KANSL1L: variants seen among roughly 807,000 people sequenced by gnomAD.
KANSL1L encodes KAT8 regulatory NSL complex subunit 1-like protein.
KANSL1L carries 25 observed loss-of-function variants against 108.6 expected under a neutral mutation model. That is an observed-to-expected ratio of 0.23 (90% CI 0.17 to 0.32). The LOEUF is 0.32. Ranked by LOEUF, KANSL1L falls within the 10% of genes least tolerant of loss-of-function variation. The pLI, the probability that KANSL1L is intolerant of heterozygous loss-of-function variation, is 1.00. For missense variants in KANSL1L, 1,137 were observed against 1,125.7 expected, an observed-to-expected ratio of 1.01 and a Z score of -0.14; for synonymous variants, 405 against 395.1, an observed-to-expected ratio of 1.03 and a Z score of -0.30.
At chr2:210,131,763 G>A (rs1278515127) in intron 2 of KANSL1L, among the ~76,000 whole-genome samples, 2 of 149,918 alleles carry the variant, frequency 1.3e-5, no homozygotes, top group Non-Finnish European at 1.5e-5. Flanking sequence ...GCAGCGGTGC[G>A]ATCTCTCCTC....
intron 5 of KANSL1L, among the ~76,000 whole-genome samples, chr2:210,079,654 A>G (rs1360298661): frequency 1.0e-3 from 19 of 18,370 alleles, no homozygotes; most frequent in East Asian, 0.011. Context: ...ATATATATAT[A>G]TATATATATA....
At chr2:210,077,614 A>C (rs964499742) in intron 5 of KANSL1L, among the ~76,000 whole-genome samples, 33 of 152,274 alleles carry the variant, frequency 2.2e-4, no homozygotes, top group African/African-American at 7.9e-4. Flanking sequence ...CCAGCACCAA[A>C]AGAGGTTCTT....
chr2:210,079,367 G>A (rs1046187160), intron 5 of KANSL1L, among the ~76,000 whole-genome samples: 5 of 151,458 alleles, frequency 3.3e-5, no homozygotes, highest in South Asian at 4.2e-4. Flanking sequence ...AGGCCAAGGC[G>A]GGAGGATCAC....
chr2:210,040,567 TC>T, intron 7 of KANSL1L, 40 bp from the exon 8 acceptor site: 2 of 862,660 alleles, frequency 2.3e-6, no homozygotes, highest in Non-Finnish European at 3.6e-6. Flanking sequence ...CAAATACCAC[TC>T]TTTGTAATAC....
intron 1 of KANSL1L, among the ~76,000 whole-genome samples, chr2:210,167,778 T>C (rs1189301091): frequency 6.6e-6 from 1 of 152,042 alleles, no homozygotes; most frequent in Admixed American, 6.5e-5. Flanking sequence ...CAGAAATGTT[T>C]CTAAGAACCT....
chr2:210,099,282 T>C (rs1307533920), intron 4 of KANSL1L, among the ~76,000 whole-genome samples: 2 of 152,136 alleles, frequency 1.3e-5, no homozygotes, highest in Admixed American at 1.3e-4. Flanking sequence ...ACAGACGTAG[T>C]TCAACATTTT....
intron 2 of KANSL1L, among the ~76,000 whole-genome samples, chr2:210,146,648 A>G (rs765864120): frequency 5.3e-5 from 8 of 152,204 alleles, no homozygotes; most frequent in Non-Finnish European, 1.5e-5. Flanking sequence ...TTTCTAAGCA[A>G]TATGGTCCAA....
chr2:210,127,241 A>G (rs1226778959), intron 3 of KANSL1L, among the ~76,000 whole-genome samples: 1 of 152,166 alleles, frequency 6.6e-6, no homozygotes, highest in African/African-American at 2.4e-5. Context: ...GAATATCTGA[A>G]TGAAAACAAA....
In KANSL1L at chr2:210,050,789, A is replaced by G. The variant is rs2094283774; in HGVS notation, c.1756-6685T>C. On this transcript the variant is annotated intron_variant, in intron 6 of 14. Transcript: ENST00000281772. ...CAGAGGTGCAGGATCACTTGAGCCC[A>G]GGAGGTTGGGGCTGCAGAGAACTGT... Among the ~76,000 whole-genome samples, 3 of 151,746 alleles carry G rather than the reference A, an allele frequency of 2.0e-5. No homozygotes were observed. The South Asian group carries it at 6.2e-4, about 32-fold the overall frequency.
intron 5 of KANSL1L, among the ~76,000 whole-genome samples, chr2:210,093,347 C>T (rs920207199): frequency 1.3e-5 from 2 of 152,176 alleles, no homozygotes; most frequent in African/African-American, 4.8e-5. Context: ...GGTTTTGCCA[C>T]GTTGGCCAGG....
chr2:210,050,462 A>G (rs753267266), intron 6 of KANSL1L, among the ~76,000 whole-genome samples: 9 of 152,190 alleles, frequency 5.9e-5, no homozygotes, highest in Non-Finnish European at 1.5e-5. Context: ...GCAAAAGTAT[A>G]GAGCAGACAT....
rs1409474946 is a variant in KANSL1L, at chr2:210,121,289, C to T, written c.1230+7742G>A. On this transcript the variant is annotated intron_variant, in intron 3 of 14. Coordinates refer to ENST00000281772, the MANE Select transcript of KANSL1L (RefSeq NM_152519.4). Reference sequence around the variant, plus strand: ...GACTGCATAAAGCAAATGTGGTACACATACACCATGGAATACTATGCAGCC... The same window carrying T: ...GACTGCATAAAGCAAATGTGGTACATATACACCATGGAATACTATGCAGCC... 2.6e-5 allele frequency among the ~76,000 whole-genome samples: 4 copies of T among 152,128 alleles called. 1 individual carries two copies. In the South Asian group the frequency reaches 8.3e-4, roughly 31 times the overall value.
chr2:210,140,987 A>G (rs1018116766), intron 2 of KANSL1L, among the ~76,000 whole-genome samples: 24 of 151,962 alleles, frequency 1.6e-4, no homozygotes, highest in African/African-American at 4.8e-5. Flanking sequence ...ACGCTAATTA[A>G]TTTATTTCTA....
chr2:210,123,015 T>C (rs1379013399), intron 3 of KANSL1L, among the ~76,000 whole-genome samples: 1 of 152,114 alleles, frequency 6.6e-6, no homozygotes, highest in South Asian at 2.1e-4. Flanking sequence ...CCAGTTAAAA[T>C]AGCTTCTATC....
At chr2:210,155,091 C>T (rs1168770348) in intron 1 of KANSL1L, 2 of 151,978 alleles carry the variant, frequency 1.3e-5, no homozygotes, top group Admixed American at 6.6e-5. Flanking sequence ...ATAACAAGAA[C>T]TAAAATATAA....
At chr2:210,102,527 G>A (rs2094804384) in intron 4 of KANSL1L, among the ~76,000 whole-genome samples, 1 of 152,038 alleles carries the variant, frequency 6.6e-6, no homozygotes, top group South Asian at 2.1e-4. Flanking sequence ...GAGTGAACAG[G>A]CAACCTACAG....
rs577521091 is a variant in KANSL1L, at chr2:210,094,296, T to C, written c.1550+3790A>G. 5.3e-5 allele frequency among the ~76,000 whole-genome samples: 8 copies of C among 152,270 alleles called. No individual in the cohort carries two copies. The East Asian group carries it at 1.5e-3, about 29-fold the overall frequency. On this transcript the variant is annotated intron_variant, in intron 5 of 14. Coordinates refer to ENST00000281772, the MANE Select transcript of KANSL1L (RefSeq NM_152519.4). ...ATTATAAATACATAAATAGTATTTA[T>C]ATGCTTCCGAGAAGTATTTATATGC...
At chr2:210,105,766 G>A (rs968006224) in intron 3 of KANSL1L, among the ~76,000 whole-genome samples, 3 of 152,000 alleles carry the variant, frequency 2.0e-5, no homozygotes, top group Non-Finnish European at 4.4e-5. Context: ...ATTTTGAATA[G>A]TGCTAACATG....
chr2:210,047,101 T>TTCTTCTATTG (rs61237535), intron 6 of KANSL1L, among the ~76,000 whole-genome samples: 151,443 of 151,978 alleles, frequency 1, 75,454 homozygotes, highest in Middle Eastern at 1. Context: ...TTCAGGGCCA[T>TTCTTCTATTG]TCTTCTATTG....
Sources: allele counts gnomAD v4.1 joint callset (sites outside exome capture counted in the v4.1 genomes callset), GRCh38; gene constraint gnomAD v4.1.1; transcripts MANE v1.5; gene names NCBI Gene and HGNC (gene_info 2026-07-23, HGNC 2026-07-21).